ARHGEF28: variants seen among roughly 807,000 people sequenced by gnomAD.
ARHGEF28 encodes the protein 190 kDa guanine nucleotide exchange factor.
In ARHGEF28, 152 loss-of-function variants were observed where a neutral mutation model predicts 206.6. The ratio of observed to expected loss-of-function variants is 0.74; its 90% CI spans 0.64 to 0.84. ARHGEF28 has a LOEUF of 0.84. Among genes scored for constraint, ARHGEF28 ranks in the 40% least tolerant of loss-of-function variants. The pLI is 0.00. For synonymous variants in ARHGEF28, 763 were observed against 776.4 expected (o/e 0.98, Z 0.29); for missense variants, 2,028 against 2,073.2 (o/e 0.98, Z 0.42).
At chr5:73,923,284 TAA>T in intron 35 of ARHGEF28, 1 of 831,958 alleles carries the variant, frequency 1.2e-6, no homozygotes, top group Non-Finnish European at 1.7e-6. Flanking sequence ...TAAAGCATGG[TAA>T]AAAAAAATCA....
intron 1 of ARHGEF28, among the ~76,000 whole-genome samples, chr5:73,666,884 A>G (rs1745989491): frequency 1.3e-5 from 2 of 152,204 alleles, no homozygotes; most frequent in African/African-American, 4.8e-5. Flanking sequence ...GTTGAGCTTC[A>G]TGTCCCTTCA....
chr5:73,770,462 T>C (rs927025087), intron 4 of ARHGEF28, among the ~76,000 whole-genome samples: 1 of 152,238 alleles, frequency 6.6e-6, no homozygotes, highest in Admixed American at 6.5e-5. Flanking sequence ...ACAGCAATTA[T>C]TAGTAATTCT....
chr5:73,859,678 C>T (rs1759268616), intron 16 of ARHGEF28, among the ~76,000 whole-genome samples: 1 of 152,144 alleles, frequency 6.6e-6, no homozygotes, highest in African/African-American at 2.4e-5. Flanking sequence ...TAGAGATTTG[C>T]TCCAAGTATC....
Position 73,750,306 on chromosome 5 carries a change from T to C in ARHGEF28, c.181+322T>C, listed in dbSNP as rs185290895. Among the ~76,000 whole-genome samples, 97 of 152,220 alleles carry C rather than the reference T, an allele frequency of 6.4e-4. 1 individual carries two copies. The South Asian group carries it at 0.019, about 30-fold the overall frequency. ...CTGTCTATTGAGTATCACCTCCTAA[T>C]CACCTCCTATAACCTCAGACTCATT... On this transcript the variant is annotated intron_variant, in intron 3 of 35. Coordinates refer to ENST00000513042, the MANE Select transcript of ARHGEF28 (RefSeq NM_001177693.2).
chr5:73,785,305 G>A (rs1351579456), intron 7 of ARHGEF28, among the ~76,000 whole-genome samples: 4 of 152,084 alleles, frequency 2.6e-5, no homozygotes, highest in East Asian at 1.9e-4. Context: ...TGGATCACAC[G>A]AGAGTCCTTT....
At chr5:73,632,488 A>T (rs999872951) in intron 1 of ARHGEF28, among the ~76,000 whole-genome samples, 3 of 152,218 alleles carry the variant, frequency 2.0e-5, no homozygotes, top group African/African-American at 7.2e-5. Flanking sequence ...GACCATAAAG[A>T]TAATCCATCT....
At chr5:73,671,859 G>A (rs373231999) in intron 1 of ARHGEF28, among the ~76,000 whole-genome samples, 2 of 143,154 alleles carry the variant, frequency 1.4e-5, no homozygotes, top group East Asian at 4.6e-4. Flanking sequence ...GGTTTCAAGC[G>A]ATTCTCCTGC....
intron 23 of ARHGEF28, among the ~76,000 whole-genome samples, chr5:73,883,337 A>G (rs1375805955): frequency 2.0e-5 from 3 of 152,168 alleles, no homozygotes; most frequent in African/African-American, 7.2e-5. Flanking sequence ...TATTTTTAGA[A>G]AAAAAGTTGT....
chr5:73,752,261 G>T (rs967714359), intron 3 of ARHGEF28, among the ~76,000 whole-genome samples: 37 of 152,078 alleles, frequency 2.4e-4, no homozygotes, highest in African/African-American at 8.7e-4. Context: ...TGAAGGGAGG[G>T]ACAAACAGCA....
At chr5:73,659,421 T>C (rs979673384) in intron 1 of ARHGEF28, among the ~76,000 whole-genome samples, 3 of 152,024 alleles carry the variant, frequency 2.0e-5, no homozygotes, top group African/African-American at 7.2e-5. Context: ...CCCCAGCTAC[T>C]TGGGAGGCTG....
chr5:73,748,973 A>G (rs746570685), intron 2 of ARHGEF28, among the ~76,000 whole-genome samples: 26 of 152,126 alleles, frequency 1.7e-4, no homozygotes, highest in Non-Finnish European at 3.1e-4. Context: ...CAGGATGATG[A>G]AATACCCGAG....
intron 2 of ARHGEF28, among the ~76,000 whole-genome samples, chr5:73,726,219 T>A (rs2112340197): frequency 6.6e-6 from 1 of 151,978 alleles, no homozygotes; most frequent in East Asian, 1.9e-4. Context: ...CAGAACAGAG[T>A]AGGGTTCAGT....
chr5:73,653,418 G>A (rs1036875733), intron 1 of ARHGEF28, among the ~76,000 whole-genome samples: 4 of 152,210 alleles, frequency 2.6e-5, no homozygotes, highest in Non-Finnish European at 5.9e-5. Flanking sequence ...AGGAAAAGCA[G>A]AAGTTTGATC....
chr5:73,828,622 T>C (rs567808137), intron 9 of ARHGEF28, among the ~76,000 whole-genome samples: 106 of 151,938 alleles, frequency 7.0e-4, no homozygotes, highest in Non-Finnish European at 1.1e-3. Context: ...CTTTCTTTTT[T>C]CCTTTTTCCT....
intron 1 of ARHGEF28, among the ~76,000 whole-genome samples, chr5:73,670,996 T>A (rs985840614): frequency 6.6e-6 from 1 of 152,186 alleles, no homozygotes; most frequent in Non-Finnish European, 1.5e-5. Flanking sequence ...TCTTAGCCTT[T>A]TTTTTTCAGG....
At chr5:73,711,353 A>G (rs914089993) in intron 2 of ARHGEF28, among the ~76,000 whole-genome samples, 2 of 152,170 alleles carry the variant, frequency 1.3e-5, no homozygotes, top group African/African-American at 4.8e-5. Flanking sequence ...TTAACTATAT[A>G]TATGAATAAA....
At chr5:73,680,511 G>A (rs1376660997) in intron 1 of ARHGEF28, among the ~76,000 whole-genome samples, 1 of 150,858 alleles carries the variant, frequency 6.6e-6, no homozygotes, top group African/African-American at 2.4e-5. Flanking sequence ...TAAAATGATG[G>A]GTTTTGGATG....
intron 2 of ARHGEF28, among the ~76,000 whole-genome samples, chr5:73,692,752 G>C (rs1252308811): frequency 6.6e-6 from 1 of 152,234 alleles, no homozygotes; most frequent in African/African-American, 2.4e-5. Flanking sequence ...CTCTTCCCCA[G>C]CTCAGGGAAG....
chr5:73,883,846 A>G lies in ARHGEF28; in HGVS notation c.3017A>G (p.Tyr1006Cys). The G allele has an allele frequency of 6.4e-7, 1 of 1,574,378 alleles. No homozygotes were observed. Residue 1006 changes from tyrosine (Y) to cysteine (C), a missense_variant, in exon 24 of 36, where the codon TAC (tyrosine) becomes TGC (cysteine). Around this residue, in one of 3 missense-constraint regions of ARHGEF28, gnomAD observed 223 missense variants for 289.9 expected, o/e 0.77. Coordinates refer to ENST00000513042, the MANE Select transcript of ARHGEF28 (RefSeq NM_001177693.2). Reference sequence around the variant, plus strand: ...TTGGTCACTCAGCGTATTACAAAATACCCTGTCTTGGTGGAAAGGATATTG... The same window carrying G: ...TTGGTCACTCAGCGTATTACAAAATGCCCTGTCTTGGTGGAAAGGATATTG... ...ILLVTQRITK[Y>C]PVLVERILQY...
Sources: gnomAD v4.1 joint callset for allele counts (sites outside exome capture counted in the v4.1 genomes callset) on GRCh38, gnomAD v4.1.1 for gene constraint, gnomAD v4.1.1 regional missense constraint, MANE v1.5 for transcripts, NCBI Gene and HGNC (gene_info 2026-07-23, HGNC 2026-07-21) for gene names.